Variants in GRIK3 observed in about 807,000 individuals in gnomAD.
GRIK3 encodes glutamate ionotropic receptor kainate type subunit 3.
GRIK3 carries 29 observed loss-of-function variants against 102.5 expected under a neutral mutation model. That is an observed-to-expected ratio of 0.28 (90% CI 0.21 to 0.39). The LOEUF (loss-of-function observed/expected upper bound fraction) is 0.39, where lower values mean the gene tolerates loss of function less well. Among genes scored for constraint, GRIK3 ranks in the 10% least tolerant of loss-of-function variants. The pLI is 1.00. For missense variants in GRIK3, 908 were observed against 1,252.4 expected (o/e 0.73, Z 4.15); for synonymous variants, 511 against 504.9 (o/e 1.01, Z -0.16).
At chr1:36,821,690 G>A (rs535010574) in intron 11 of GRIK3, among the ~76,000 whole-genome samples, 1 of 152,330 alleles carries the variant, frequency 6.6e-6, no homozygotes, top group East Asian at 1.9e-4. Context: ...GAAGGCAATG[G>A]GATTCCAACA....
At chr1:36,969,778 A>G (rs1050828111) in intron 1 of GRIK3, among the ~76,000 whole-genome samples, 2 of 152,360 alleles carry the variant, frequency 1.3e-5, no homozygotes, top group African/African-American at 4.8e-5. Context: ...TCAGGCCATA[A>G]CACACATCTT....
intron 1 of GRIK3, among the ~76,000 whole-genome samples, chr1:36,912,241 C>T (rs1330194285): frequency 6.6e-6 from 1 of 152,168 alleles, no homozygotes; most frequent in Admixed American, 6.5e-5. Flanking sequence ...ACTTCCTCTG[C>T]ATGCCCTCAG....
intron 12 of GRIK3, among the ~76,000 whole-genome samples, chr1:36,818,855 T>C (rs1233797032): frequency 6.6e-6 from 1 of 152,146 alleles, no homozygotes; most frequent in Non-Finnish European, 1.5e-5. Flanking sequence ...GGTCCCTCAG[T>C]GAAACTCTAA....
At chr1:36,898,538 A>G (rs903747811) in intron 1 of GRIK3, among the ~76,000 whole-genome samples, 1 of 152,204 alleles carries the variant, frequency 6.6e-6, no homozygotes, top group Non-Finnish European at 1.5e-5. Flanking sequence ...TAAATAAGAC[A>G]TCAATAAATG....
At chr1:37,002,726 T>G (rs921732429) in intron 1 of GRIK3, among the ~76,000 whole-genome samples, 7 of 150,750 alleles carry the variant, frequency 4.6e-5, no homozygotes, top group Non-Finnish European at 1.0e-4. Context: ...TCACCCAGGC[T>G]GGAGTGCAGG....
At chr1:36,910,722 C>G (rs554621565) in intron 1 of GRIK3, among the ~76,000 whole-genome samples, 37 of 152,338 alleles carry the variant, frequency 2.4e-4, no homozygotes, top group Non-Finnish European at 4.6e-4. Flanking sequence ...TGTCCCCCTT[C>G]TTGTTCATTC....
chr1:36,828,740 G>C (rs550484119), intron 10 of GRIK3, among the ~76,000 whole-genome samples: 1 of 152,346 alleles, frequency 6.6e-6, no homozygotes, highest in African/African-American at 2.4e-5. Flanking sequence ...TCTGGAAATG[G>C]AGTGGATTCT....
chr1:36,837,084 G>C (rs1640388733), intron 10 of GRIK3, among the ~76,000 whole-genome samples: 1 of 151,816 alleles, frequency 6.6e-6, no homozygotes, highest in Non-Finnish European at 1.5e-5. Context: ...GCATCCTGTG[G>C]CTTCCACCCT....
intron 1 of GRIK3, among the ~76,000 whole-genome samples, chr1:36,988,700 T>C (rs1642332048): frequency 6.6e-6 from 1 of 152,210 alleles, no homozygotes; most frequent in African/African-American, 2.4e-5. Context: ...AGTTAAATAA[T>C]TTACCATAAA....
chr1:36,810,198 C>T (rs934866062), intron 13 of GRIK3, among the ~76,000 whole-genome samples: 8 of 152,154 alleles, frequency 5.3e-5, no homozygotes, highest in Non-Finnish European at 1.2e-4. Flanking sequence ...GTCCCTCTCT[C>T]CCATCTCTGG....
At chr1:36,946,956 A>G (rs1381248542) in intron 1 of GRIK3, among the ~76,000 whole-genome samples, 2 of 152,204 alleles carry the variant, frequency 1.3e-5, no homozygotes, top group African/African-American at 4.8e-5. Flanking sequence ...ACAGAGAAGG[A>G]GAAAGAAACA....
chr1:37,009,967 A>G (rs918580836), intron 1 of GRIK3, among the ~76,000 whole-genome samples: 1 of 152,166 alleles, frequency 6.6e-6, no homozygotes, highest in Non-Finnish European at 1.5e-5. Flanking sequence ...CCAGCTGAGC[A>G]GGGGAGGCCT....
chr1:36,928,451 G>A (rs981563737), intron 1 of GRIK3, among the ~76,000 whole-genome samples: 4 of 152,230 alleles, frequency 2.6e-5, no homozygotes, highest in Admixed American at 6.5e-5. Context: ...AGTGGCAATG[G>A]CAAGTGTTTG....
chr1:36,815,154 C>T (rs765518286), intron 13 of GRIK3, among the ~76,000 whole-genome samples: 2 of 152,220 alleles, frequency 1.3e-5, no homozygotes, highest in South Asian at 2.1e-4. Context: ...TTGATAATGC[C>T]GTTGTCTTCC....
rs113165925 is a variant in GRIK3, at chr1:36,819,364, A to G, written c.1873+372T>C. The stretch of plus-strand genomic sequence containing the variant: ...GACTCCCTGCCTCTGGTCTCCTTCC[A>G]TCCACAGCCCAACTTGCTCAGCTGG... On this transcript the variant is annotated intron_variant, in intron 12 of 15. Transcript: ENST00000373091. The surrounding 1 kb of genome is among the most constrained non-coding windows in gnomAD (Gnocchi z 4.1). Among the ~76,000 whole-genome samples, 316 of 152,084 alleles carry G rather than the reference A, an allele frequency of 2.1e-3. 4 individuals are homozygous for G. In the East Asian group the frequency reaches 0.027, roughly 13 times the overall value.
At chr1:36,812,499 T>A (rs1642573753) in intron 13 of GRIK3, among the ~76,000 whole-genome samples, 1 of 152,202 alleles carries the variant, frequency 6.6e-6, no homozygotes, top group Admixed American at 6.5e-5. Flanking sequence ...TACATATTTT[T>A]ATAGCCAAAC....
intron 1 of GRIK3, among the ~76,000 whole-genome samples, chr1:37,008,107 C>G (rs192967016): frequency 8.4e-4 from 128 of 152,300 alleles, no homozygotes; most frequent in African/African-American, 3.0e-3. Context: ...CCTCCCAGCA[C>G]GCGGAGGGGC....
At chr1:36,955,496 C>A (rs1392421283) in intron 1 of GRIK3, among the ~76,000 whole-genome samples, 1 of 152,196 alleles carries the variant, frequency 6.6e-6, no homozygotes, top group Non-Finnish European at 1.5e-5. Flanking sequence ...TCACTCAAAC[C>A]CAGAACCACA....
chr1:36,947,799 G>C (rs895974274), intron 1 of GRIK3, among the ~76,000 whole-genome samples: 2 of 152,030 alleles, frequency 1.3e-5, no homozygotes, highest in Admixed American at 1.3e-4. Flanking sequence ...TCACAGCTTA[G>C]AGCCATGCCA....
Sources: allele counts gnomAD v4.1 joint callset (sites outside exome capture counted in the v4.1 genomes callset), GRCh38; gene constraint gnomAD v4.1.1; non-coding constraint Gnocchi (gnomAD v3.1); transcripts MANE v1.5; gene names NCBI Gene and HGNC (gene_info 2026-07-23, HGNC 2026-07-21).